The following PPARA variants were observed in gnomAD, a reference collection of about 807,000 sequenced individuals.
PPARA encodes the protein peroxisome proliferator-activated receptor alpha.
PPARA carries 22 observed loss-of-function variants against 42.2 expected under a neutral mutation model. That is an observed-to-expected ratio of 0.52 (90% CI 0.37 to 0.74). The LOEUF (loss-of-function observed/expected upper bound fraction) is 0.74. Ranked by LOEUF, PPARA falls within the 30% of genes least tolerant of loss-of-function variation. PPARA has a pLI of 0.00. For missense variants in PPARA, 465 were observed against 608.2 expected, an observed-to-expected ratio of 0.76 and a Z score of 2.48; for synonymous variants, 242 against 239.3, an observed-to-expected ratio of 1.01 and a Z score of -0.10.
intron 7 of PPARA, among the ~76,000 whole-genome samples, chr22:46,223,061 G>A (rs554954985): frequency 6.6e-6 from 1 of 152,262 alleles, no homozygotes; most frequent in Admixed American, 6.5e-5. Flanking sequence ...TTGGGAGGTT[G>A]AGGAGGATGC....
rs762515641 is a variant in PPARA at position 46,230,056 on chromosome 22, C to T, written c.712-1736C>T. On this transcript the variant is annotated intron_variant, in intron 7 of 8. Transcript: ENST00000407236. The surrounding 1 kb of genome is among the most constrained non-coding windows in gnomAD (Gnocchi z 5.0). The stretch of plus-strand genomic sequence containing the variant: ...TGGGATGCTTCTGCGCTTTGGGCTC[C>T]ACTGTTCCAGCAGTGATTAGAAATA... Among the ~76,000 whole-genome samples the T allele has an allele frequency of 3.3e-5, 5 of 152,170 alleles. No homozygotes were observed. Among genetic ancestry groups the T allele is most frequent in the Non-Finnish European group, 7.3e-5 (5 of 68,040 alleles).
At chr22:46,208,410 C>T (rs577577466) in intron 4 of PPARA, among the ~76,000 whole-genome samples, 14 of 151,992 alleles carry the variant, frequency 9.2e-5, no homozygotes, top group African/African-American at 1.7e-4. Context: ...CAGCCAGGCG[C>T]GGTGGTACAC....
chr22:46,175,487 G>A (rs1928892583), intron 2 of PPARA, among the ~76,000 whole-genome samples: 1 of 151,842 alleles, frequency 6.6e-6, no homozygotes, highest in African/African-American at 2.4e-5. Context: ...GCCGAGGCAG[G>A]CGGATCACGA....
chr22:46,209,259 TA>T (rs1203973286), intron 4 of PPARA, among the ~76,000 whole-genome samples: 2 of 152,242 alleles, frequency 1.3e-5, no homozygotes, highest in Non-Finnish European at 2.9e-5. Context: ...TGGCTGCTTC[TA>T]AATTTTTTTC....
chr22:46,213,407 T>C (rs565824350), intron 4 of PPARA, among the ~76,000 whole-genome samples: 24 of 151,336 alleles, frequency 1.6e-4, no homozygotes, highest in East Asian at 1.4e-3. Flanking sequence ...TTCTTTCTTT[T>C]TTTTTTTTTT....
Position 46,190,236 on chromosome 22 carries a change from C to G in PPARA, c.-42-8106C>G, listed in dbSNP as rs1248691627. Among the ~76,000 whole-genome samples the G allele has an allele frequency of 1.3e-5, 2 of 152,146 alleles. No homozygotes were observed. The highest frequency in any genetic ancestry group is 4.8e-5 in the African/African-American group (2 of 41,428). ...ATGGTCACCTGCCCCAGCAACACTA[C>G]TCGTTTGAGAAGACTTCCATCCTTT... On this transcript the variant is annotated intron_variant, in intron 3 of 8. Coordinates refer to ENST00000407236, the MANE Select transcript of PPARA (RefSeq NM_005036.6). The surrounding 1 kb of genome is among the most constrained non-coding windows in gnomAD (Gnocchi z 5.6).
At position 46,242,731 on chromosome 22, in the gene PPARA, G is replaced by GCGCGCGCGCGCGCGCACACACACA. The variant is rs10643430; in HGVS notation, c.*7352_*7353insGCGCGCGCGCGCGCACACACACAC. ...AAATACACTGCGTACACGTGTGCGT[G>GCGCGCGCGCGCGCGCACACACACA]CACACACACACACACACACACACAC... On this transcript the variant is annotated 3_prime_UTR_variant, in exon 9 of 9. Coordinates refer to ENST00000407236, the MANE Select transcript of PPARA (RefSeq NM_005036.6). This position sits in a 1 kb window ranked among gnomAD's most constrained non-coding sequence, Gnocchi z 6.1. The GCGCGCGCGCGCGCGCACACACACA allele has an allele frequency of 7.5e-6, 1 of 132,700 alleles. No homozygotes were observed. Among genetic ancestry groups the GCGCGCGCGCGCGCGCACACACACA allele is most frequent in the African/African-American group, 2.5e-5 (1 of 39,858 alleles). 8.2% of individuals were successfully genotyped at this position (132,700 alleles called of 1,614,324 possible).
chr22:46,202,245 C>G (rs1932875784), intron 4 of PPARA, among the ~76,000 whole-genome samples: 1 of 152,156 alleles, frequency 6.6e-6, no homozygotes, highest in Non-Finnish European at 1.5e-5. Context: ...CCCTGCTCTT[C>G]TAGGGTCCTT....
chr22:46,176,125 C>A (rs143452121), intron 2 of PPARA: 1 of 149,362 alleles, frequency 6.7e-6, no homozygotes, highest in African/African-American at 2.5e-5. Context: ...GGCAACATAG[C>A]AAGACCCTGT....
Position 46,183,665 on chromosome 22 carries a change from C to T in PPARA, c.-43+6829C>T, listed in dbSNP as rs1255825953. On this transcript the variant is annotated intron_variant, in intron 3 of 8. Transcript: ENST00000407236. This position sits in a 1 kb window ranked among gnomAD's most constrained non-coding sequence, Gnocchi z 5.5. ...GCTGAGGTGGGAGGATCACTTGAGC[C>T]TGGGAGGTCGATATTGCAGTGAGCT... Among the ~76,000 whole-genome samples the T allele has an allele frequency of 6.6e-6, 1 of 152,154 alleles. No homozygotes were observed. Among genetic ancestry groups the T allele is most frequent in the African/African-American group, 2.4e-5 (1 of 41,446 alleles).
chr22:46,208,555 A>AG (rs1291715230), intron 4 of PPARA, among the ~76,000 whole-genome samples: 2 of 152,098 alleles, frequency 1.3e-5, no homozygotes, highest in African/African-American at 4.8e-5. Flanking sequence ...CTCAAAAAAA[A>AG]AAAAAAAAAG....
intron 5 of PPARA, among the ~76,000 whole-genome samples, 190 bp downstream of exon 5, chr22:46,215,523 A>G (rs1934397150): frequency 6.6e-6 from 1 of 152,162 alleles, no homozygotes; most frequent in Non-Finnish European, 1.5e-5. Context: ...GGATCACCTG[A>G]GATCAGGAGT....
intron 3 of PPARA, among the ~76,000 whole-genome samples, chr22:46,197,778 C>T (rs2147377725): frequency 6.6e-6 from 1 of 152,020 alleles, no homozygotes; most frequent in Admixed American, 6.6e-5. Flanking sequence ...GTGGCGGGCA[C>T]CTGTAATCCC....
At position 46,211,394 on chromosome 22, in the gene PPARA, C is replaced by A. The variant is rs1203696989; in HGVS notation, c.209-3779C>A. On this transcript the variant is annotated intron_variant, in intron 4 of 8. Coordinates refer to ENST00000407236, the MANE Select transcript of PPARA (RefSeq NM_005036.6). The surrounding 1 kb of genome is among the most constrained non-coding windows in gnomAD (Gnocchi z 4.1). ...GAAAAAAACTCCATCAGCTAGAGCA[C>A]AGTGTTTACAGCCAGATCCTTTTGC... 6.6e-6 allele frequency among the ~76,000 whole-genome samples: 1 copy of A among 152,178 alleles called. No individual in the cohort carries two copies. The highest frequency in any genetic ancestry group is 6.5e-5 in the Admixed American group (1 of 15,270).
At chr22:46,152,746 G>T (rs1157435249) in intron 2 of PPARA, among the ~76,000 whole-genome samples, 2 of 152,138 alleles carry the variant, frequency 1.3e-5, no homozygotes, top group African/African-American at 4.8e-5. Flanking sequence ...GAGAGACCAG[G>T]GACACTGGGG....
At position 46,182,831 on chromosome 22, in the gene PPARA, G is replaced by A. The variant is rs1191950848; in HGVS notation, c.-43+5995G>A. Among the ~76,000 whole-genome samples the A allele has an allele frequency of 6.6e-6, 1 of 152,054 alleles. No individual in the cohort carries two copies. The highest frequency in any genetic ancestry group is 1.5e-5 in the Non-Finnish European group (1 of 68,004). ...ACCGTCTCAGAGCACTGTAACCTCC[G>A]CCTCCCGGGTTCAAGCGATTCTCAT... On this transcript the variant is annotated intron_variant, in intron 3 of 8. Coordinates refer to ENST00000407236, the MANE Select transcript of PPARA (RefSeq NM_005036.6). The surrounding 1 kb of genome is among the most constrained non-coding windows in gnomAD (Gnocchi z 5.2).
intron 4 of PPARA, among the ~76,000 whole-genome samples, chr22:46,210,906 TCA>T (rs1933865794): frequency 6.6e-6 from 1 of 152,190 alleles, no homozygotes; most frequent in Admixed American, 6.6e-5. Context: ...GATGGGACTA[TCA>T]CAGTGTTTGT....
chr22:46,226,348 T>C (rs1038526544), intron 7 of PPARA, among the ~76,000 whole-genome samples: 1 of 152,234 alleles, frequency 6.6e-6, no homozygotes, highest in Non-Finnish European at 1.5e-5. Context: ...CAAATAATTC[T>C]TTAGCACTGA....
At chr22:46,209,230 T>G (rs1324692092) in intron 4 of PPARA, among the ~76,000 whole-genome samples, 1 of 152,214 alleles carries the variant, frequency 6.6e-6, no homozygotes, top group Non-Finnish European at 1.5e-5. Context: ...ACTTGTTATC[T>G]TTTATCTTTT....
Sources: allele counts gnomAD v4.1 joint callset (sites outside exome capture counted in the v4.1 genomes callset), GRCh38; gene constraint gnomAD v4.1.1; non-coding constraint Gnocchi (gnomAD v3.1); transcripts MANE v1.5; gene names NCBI Gene and HGNC (gene_info 2026-07-23, HGNC 2026-07-21).